DOCK9: variants seen among roughly 807,000 people sequenced by gnomAD.
The protein encoded by DOCK9 is dedicator of cytokinesis 9.
Under a neutral mutation model 263.3 loss-of-function variants are expected in DOCK9, and 89 were observed. That is an observed-to-expected ratio of 0.34 (90% CI 0.28 to 0.40). DOCK9 has a LOEUF of 0.40. DOCK9 is among the 10% of genes least tolerant of loss of function. DOCK9 has a pLI of 1.00. For synonymous variants in DOCK9, 976 were observed against 973.1 expected, an observed-to-expected ratio of 1.00 and a Z score of -0.06; for missense variants, 2,140 against 2,603.4, an observed-to-expected ratio of 0.82 and a Z score of 3.87.
intron 2 of DOCK9, among the ~76,000 whole-genome samples, chr13:98,952,703 T>C (rs2057584197): frequency 6.6e-6 from 1 of 152,228 alleles, no homozygotes; most frequent in South Asian, 2.1e-4. Flanking sequence ...ATCTGACCAG[T>C]AAAGGCTCAA....
At chr13:98,903,242 C>T (rs1348622853) in intron 10 of DOCK9, 130 bp from the exon 11 acceptor site, 4 of 707,052 alleles carry the variant, frequency 5.7e-6, no homozygotes, top group Non-Finnish European at 8.5e-6. Flanking sequence ...AATAGTGTTG[C>T]TATTATATAA....
intron 1 of DOCK9, among the ~76,000 whole-genome samples, chr13:99,085,143 G>A (rs918615374): frequency 6.6e-6 from 1 of 152,208 alleles, no homozygotes; most frequent in Non-Finnish European, 1.5e-5. Context: ...TGCCCAGGAA[G>A]GGCATCGATC....
intron 39 of DOCK9, among the ~76,000 whole-genome samples, chr13:98,835,098 C>T (rs2092938670): frequency 6.6e-6 from 1 of 152,238 alleles, no homozygotes; most frequent in Non-Finnish European, 1.5e-5. Context: ...TAGCAGGAAG[C>T]TCATGTAATA....
chr13:98,988,109 T>A lies in DOCK9; in HGVS notation c.130-32558A>T, dbSNP rs759388078. 5.5e-4 allele frequency among the ~76,000 whole-genome samples: 84 copies of A among 152,130 alleles called. 1 individual carries two copies. Among genetic ancestry groups the A allele is most frequent in the South Asian group, 6.2e-4 (3 of 4,824 alleles). On this transcript the variant is annotated intron_variant, in intron 1 of 32. Transcript: ENST00000427887. ...ATTACTTTAGGCACTTTAAAAAAAA[T>A]TTTTAAGTTATTTATTACCACTTGG...
upstream of DOCK9, chr13:98,978,196 T>C (rs1875793225): frequency 1.0e-6 from 1 of 953,960 alleles, no homozygotes; most frequent in African/African-American, 1.7e-5. Context: ...GTACTGCCTC[T>C]CTGATAAAGA....
chr13:99,009,473 G>C (rs534071034), intron 1 of DOCK9, among the ~76,000 whole-genome samples: 1 of 152,066 alleles, frequency 6.6e-6, no homozygotes, highest in African/African-American at 2.4e-5. Context: ...AGCAGGCTCC[G>C]GGCCTTCATG....
intron 13 of DOCK9, among the ~76,000 whole-genome samples, chr13:98,900,319 T>C (rs1217684463): frequency 6.6e-6 from 1 of 152,206 alleles, no homozygotes; most frequent in Non-Finnish European, 1.5e-5. Flanking sequence ...AGTAACAAAG[T>C]TGCTGTGGAT....
chr13:98,824,634 G>C, intron 44 of DOCK9, 130 bp from the exon 45 acceptor site: 1 of 785,590 alleles, frequency 1.3e-6, no homozygotes, highest in South Asian at 1.7e-5. Flanking sequence ...TAGGCACCAG[G>C]CCAGCATTCA....
intron 1 of DOCK9, among the ~76,000 whole-genome samples, chr13:98,971,180 AT>A (rs2059693308): frequency 6.6e-6 from 1 of 152,150 alleles, no homozygotes; most frequent in Non-Finnish European, 1.5e-5. Context: ...ATCTGCAGAG[AT>A]TGAGAGGCAG....
At chr13:99,071,372 T>C (rs1319189602) in intron 1 of DOCK9, among the ~76,000 whole-genome samples, 1 of 141,788 alleles carries the variant, frequency 7.1e-6, no homozygotes, top group Non-Finnish European at 1.5e-5. Flanking sequence ...CTGGTCTCAA[T>C]CCATCCATCT....
rs2089062051 is a variant in DOCK9 at position 98,794,305 on chromosome 13, C to T, written c.*321G>A. On this transcript the variant is annotated 3_prime_UTR_variant, in exon 53 of 53. Transcript: ENST00000682017. Reference sequence around the variant, plus strand: ...CTCCCTGCCATGTAGATCCCAGAACCTTTTTTTTCTGTAGGCCATCTATTC... The same window carrying T: ...CTCCCTGCCATGTAGATCCCAGAACTTTTTTTTTCTGTAGGCCATCTATTC... 3.7e-6 allele frequency: 1 copy of T among 270,098 alleles called. No homozygotes were observed. Among genetic ancestry groups the T allele is most frequent in the Non-Finnish European group, 6.9e-6 (1 of 145,480 alleles). 16.7% of individuals were successfully genotyped at this position (270,098 alleles called of 1,614,324 possible).
chr13:98,946,393 C>CTT (rs2056716915), intron 2 of DOCK9, among the ~76,000 whole-genome samples: 2 of 152,192 alleles, frequency 1.3e-5, no homozygotes, highest in Admixed American at 1.3e-4. Context: ...CCCTGCCACT[C>CTT]TCCATGGCCT....
chr13:99,067,097 T>C lies in DOCK9; in HGVS notation c.129+19126A>G, dbSNP rs932072412. Among the ~76,000 whole-genome samples, 4 of 152,186 alleles carry C rather than the reference T, an allele frequency of 2.6e-5. No individual in the cohort carries two copies. In the East Asian group the frequency reaches 7.7e-4, roughly 29 times the overall value. ...TTCCTTCTTCCTTCCAGGAGCAAAATAGCCAAGCGGCAGAGGACCCTAAAA... is the reference window on the plus strand; with the variant it reads ...TTCCTTCTTCCTTCCAGGAGCAAAACAGCCAAGCGGCAGAGGACCCTAAAA... On this transcript the variant is annotated intron_variant, in intron 1 of 32. Transcript: ENST00000427887.
intron 1 of DOCK9, among the ~76,000 whole-genome samples, chr13:99,005,708 C>T (rs776199507): frequency 1.3e-5 from 2 of 152,078 alleles, no homozygotes; most frequent in African/African-American, 2.4e-5. Flanking sequence ...TTGCAAAGGG[C>T]CAGCTAGTAA....
chr13:98,894,957 C>CAAAAAAAAA (rs71114557), intron 15 of DOCK9, among the ~76,000 whole-genome samples: 26 of 73,378 alleles, frequency 3.5e-4, no homozygotes, highest in Admixed American at 6.3e-4. Flanking sequence ...TACTAAAATA[C>CAAAAAAAAA]AAAAAAAAAA....
upstream of DOCK9, among the ~76,000 whole-genome samples, chr13:99,087,622 G>C (rs1003681877): frequency 5.3e-5 from 8 of 152,260 alleles, no homozygotes; most frequent in Middle Eastern, 0.01. Context: ...CCCCGGCTCC[G>C]TTTCTGTCTC....
At chr13:98,959,652 TGGAGAACAGAGACTGGTGAG>T (rs1248919004) in intron 1 of DOCK9, 1 of 152,006 alleles carries the variant, frequency 6.6e-6, no homozygotes, top group African/African-American at 2.4e-5. Flanking sequence ...GGAGAATGGG[TGGAGAACAGAGACTGGTGAG>T]GGAGACAGGG....
chr13:98,820,034 G>A (rs914764985), intron 45 of DOCK9, among the ~76,000 whole-genome samples: 8 of 152,218 alleles, frequency 5.3e-5, no homozygotes, highest in African/African-American at 1.9e-4. Flanking sequence ...GTCATCTGAG[G>A]TAGTTATGTT....
In DOCK9 at chr13:98,965,868, G is replaced by C. The variant is rs61968866; in HGVS notation, c.127-10317C>G. On this transcript the variant is annotated intron_variant, in intron 1 of 52. Transcript: ENST00000682017. ...AAGAACAGACTAACACCAACAATTAGACATTTGTGAATGCAGTTTTTTATA... is the reference window on the plus strand; with the variant it reads ...AAGAACAGACTAACACCAACAATTACACATTTGTGAATGCAGTTTTTTATA... Among the ~76,000 whole-genome samples the C allele has an allele frequency of 5.1e-3, 776 of 152,274 alleles. 5 individuals are homozygous for C. The highest frequency in any genetic ancestry group is 0.01 in the Middle Eastern group (3 of 294).
Sources: gnomAD v4.1 joint callset for allele counts (sites outside exome capture counted in the v4.1 genomes callset) on GRCh38, gnomAD v4.1.1 for gene constraint, MANE v1.5 for transcripts, NCBI Gene and HGNC (gene_info 2026-07-23, HGNC 2026-07-21) for gene names.